Variants in GPBP1L1 observed in about 807,000 individuals in gnomAD.
GPBP1L1 encodes vasculin-like protein 1.
Under a neutral mutation model 52.5 loss-of-function variants are expected in GPBP1L1, and 23 were observed. The observed-to-expected ratio is 0.44, with a 90% CI of 0.32 to 0.62. GPBP1L1 has a LOEUF of 0.62. Among genes scored for constraint, GPBP1L1 ranks in the 20% least tolerant of loss-of-function variants. The pLI, the probability that GPBP1L1 is intolerant of heterozygous loss-of-function variation, is 0.06. For synonymous variants in GPBP1L1, 243 were observed against 203.1 expected (o/e 1.20, Z -1.67); for missense variants, 596 against 579.3 (o/e 1.03, Z -0.30).
intron 6 of GPBP1L1, among the ~76,000 whole-genome samples, chr1:45,644,900 A>G (rs4660312): frequency 0.54 from 81,623 of 152,030 alleles, 22,070 homozygotes; most frequent in Middle Eastern, 0.6. Flanking sequence ...CCTATTTGGC[A>G]ATTCAACAGT....
chr1:45,642,352 T>G (rs962252021), intron 7 of GPBP1L1, 75 bp downstream of exon 7: 1 of 914,836 alleles, frequency 1.1e-6, no homozygotes, highest in Middle Eastern at 2.2e-4. Context: ...TAAAAAGAGA[T>G]AAGGAATCTT....
chr1:45,629,880 GGAAGAGCTAAA>G (rs1644507870), intron 11 of GPBP1L1, among the ~76,000 whole-genome samples: 1 of 124,400 alleles, frequency 8.0e-6, no homozygotes, highest in South Asian at 2.6e-4. Flanking sequence ...AGTTGAGAGA[GGAAGAGCTAAA>G]GAAGAGACAG....
intron 7 of GPBP1L1, 35 bp from the exon 8 acceptor site, chr1:45,640,438 T>C: frequency 6.5e-7 from 1 of 1,532,384 alleles, no homozygotes; most frequent in Non-Finnish European, 9.0e-7. Flanking sequence ...CAACAGAATG[T>C]CAAACCTGTT....
intron 2 of GPBP1L1, among the ~76,000 whole-genome samples, chr1:45,681,532 C>T (rs112440305): frequency 1.6e-4 from 25 of 152,264 alleles, no homozygotes; most frequent in Admixed American, 1.1e-3. Flanking sequence ...AAAGTAGTAC[C>T]TAAGAAAGAA....
intron 6 of GPBP1L1, among the ~76,000 whole-genome samples, chr1:45,648,519 A>G (rs1644780307): frequency 6.6e-6 from 1 of 152,178 alleles, no homozygotes; most frequent in Non-Finnish European, 1.5e-5. Context: ...CTCTGTTAGC[A>G]TTCTTTATGC....
At chr1:45,653,257 C>T (rs1389008880) in intron 6 of GPBP1L1, among the ~76,000 whole-genome samples, 2 of 152,094 alleles carry the variant, frequency 1.3e-5, no homozygotes, top group African/African-American at 2.4e-5. Context: ...CAGCTAGAGG[C>T]TGGGTGTGGT....
In GPBP1L1 at chr1:45,629,689, C is replaced by A. The variant is rs767534259; in HGVS notation, c.1170-11G>T. On this transcript the variant is annotated splice_polypyrimidine_tract_variant and intron_variant, in intron 11 of 12. Coordinates refer to ENST00000355105, the MANE Select transcript of GPBP1L1 (RefSeq NM_021639.5). Reference sequence around the variant, plus strand: ...ATAGCTTTCAATAACCTGGTGGACGCAGAAGGACAGGTAAAGAGAATACAA... The same window carrying A: ...ATAGCTTTCAATAACCTGGTGGACGAAGAAGGACAGGTAAAGAGAATACAA... 4.6e-6 allele frequency: 7 copies of A among 1,523,530 alleles called. No individual in the cohort carries two copies. The highest frequency in any genetic ancestry group is 6.4e-6 in the Non-Finnish European group (7 of 1,097,686). 94.4% of individuals were successfully genotyped at this position (1,523,530 alleles called of 1,614,324 possible).
chr1:45,640,170 C>A, intron 8 of GPBP1L1, 40 bp downstream of exon 8: 1 of 1,484,842 alleles, frequency 6.7e-7, no homozygotes, highest in Non-Finnish European at 9.2e-7. Flanking sequence ...ATTCCCAAAC[C>A]TCTCTTGTAT....
chr1:45,659,007 T>C (rs779529878), intron 4 of GPBP1L1, 21 bp downstream of exon 4: 1 of 1,506,428 alleles, frequency 6.6e-7, no homozygotes, highest in Non-Finnish European at 9.2e-7. Context: ...GAGAAGTTAC[T>C]ACAGGAATGG....
intron 4 of GPBP1L1, among the ~76,000 whole-genome samples, chr1:45,656,655 A>G (rs1038921450): frequency 2.6e-5 from 4 of 151,706 alleles, no homozygotes; most frequent in Non-Finnish European, 4.4e-5. Context: ...AATCAACAAA[A>G]TACATACATA....
At chr1:45,683,293 C>A (rs376670717) in intron 2 of GPBP1L1, among the ~76,000 whole-genome samples, 1 of 141,576 alleles carries the variant, frequency 7.1e-6, no homozygotes, top group East Asian at 2.1e-4. Context: ...GGAAGCTCTG[C>A]CTTCCGGATT....
chr1:45,687,568 G>A (rs1441849896), upstream of GPBP1L1: 1 of 152,228 alleles, frequency 6.6e-6, no homozygotes, highest in Non-Finnish European at 1.5e-5. Context: ...TGTGAAACAA[G>A]TCTAGATAAG....
chr1:45,665,567 CCT>C (rs1343034608), intron 2 of GPBP1L1, among the ~76,000 whole-genome samples: 1 of 151,670 alleles, frequency 6.6e-6, no homozygotes. Flanking sequence ...ATGGTGAAAC[CCT>C]GTCTCTGCTA....
chr1:45,679,083 G>A (rs931614050), intron 2 of GPBP1L1, among the ~76,000 whole-genome samples: 3 of 152,076 alleles, frequency 2.0e-5, no homozygotes, highest in South Asian at 2.1e-4. Context: ...AGAATGACAC[G>A]GAGAGTTTTA....
At chr1:45,686,108 G>C (rs1379809001) in intron 1 of GPBP1L1, among the ~76,000 whole-genome samples, 3 of 152,214 alleles carry the variant, frequency 2.0e-5, no homozygotes, top group Non-Finnish European at 4.4e-5. Flanking sequence ...GCCTGGAGAG[G>C]AGCCAAAGAG....
At chr1:45,685,355 T>G (rs1358055474) in intron 2 of GPBP1L1, among the ~76,000 whole-genome samples, 1 of 152,186 alleles carries the variant, frequency 6.6e-6, no homozygotes, top group Non-Finnish European at 1.5e-5. Flanking sequence ...AACTAAAACA[T>G]GAACCACTAT....
At position 45,640,290 on chromosome 1, in the gene GPBP1L1, C is replaced by T; in HGVS notation, c.664G>A (p.Ala222Thr). 6.2e-7 allele frequency: 1 copy of T among 1,614,126 alleles called. No homozygotes were observed. Among genetic ancestry groups the T allele is most frequent in the Non-Finnish European group, 8.5e-7 (1 of 1,179,994 alleles). The stretch of plus-strand genomic sequence containing the variant: ...ACGGATGACAATTTGTTCCCATTTG[C>T]ATGGTGAGATCCTGGTGAGGTGAAT... ...AAFTSPGSHH[A>T]NGNKLSSVVP... The change falls in exon 8 of 13, where the codon GCA becomes ACA. Residue 222 changes from alanine to threonine, a missense_variant. Ala to Thr is a moderately conservative substitution (Grantham distance 58). Transcript: ENST00000355105.
intron 8 of GPBP1L1, among the ~76,000 whole-genome samples, chr1:45,639,081 A>C (rs1644634187): frequency 6.6e-6 from 1 of 152,158 alleles, no homozygotes; most frequent in Non-Finnish European, 1.5e-5. Flanking sequence ...AACAAAAATC[A>C]TATATATCAA....
chr1:45,669,507 C>A (rs1178276353), intron 2 of GPBP1L1, among the ~76,000 whole-genome samples: 3 of 152,202 alleles, frequency 2.0e-5, no homozygotes. Context: ...TGACTTTTGA[C>A]CAGCCTTGTT....
Sources: allele counts gnomAD v4.1 joint callset (sites outside exome capture counted in the v4.1 genomes callset), GRCh38; gene constraint gnomAD v4.1.1; transcripts MANE v1.5; gene names NCBI Gene and HGNC (gene_info 2026-07-23, HGNC 2026-07-21).